The following COL6A5 variants were observed in gnomAD, a reference collection of about 807,000 sequenced individuals.
COL6A5 encodes collagen type VI alpha 5 chain, also known as collagen alpha-5(VI) chain.
Under a neutral mutation model 65.6 loss-of-function variants are expected in COL6A5, and 48 were observed. The ratio of observed to expected loss-of-function variants is 0.73; its 90% CI spans 0.58 to 0.93. The LOEUF (loss-of-function observed/expected upper bound fraction) is 0.93, where lower values mean the gene tolerates loss of function less well. COL6A5 is among the 40% of genes least tolerant of loss of function. The pLI, the probability that COL6A5 is intolerant of heterozygous loss-of-function variation, is 0.00. For synonymous variants in COL6A5, 291 were observed against 322.8 expected, an observed-to-expected ratio of 0.90 and a Z score of 1.05; for missense variants, 914 against 928.3, an observed-to-expected ratio of 0.98 and a Z score of 0.20.
intron 10 of COL6A5, among the ~76,000 whole-genome samples, chr3:130,399,559 G>T (rs749530127): frequency 5.9e-5 from 9 of 151,590 alleles, no homozygotes; most frequent in Admixed American, 1.3e-4. Context: ...TTTTAGTAGA[G>T]ATGGGGTTTC....
intron 5 of COL6A5, among the ~76,000 whole-genome samples, chr3:130,387,960 G>A (rs968617553): frequency 6.6e-6 from 1 of 151,674 alleles, no homozygotes; most frequent in Non-Finnish European, 1.5e-5. Flanking sequence ...ACGTATGTCT[G>A]TATGTTCATT....
chr3:130,359,733 C>T (rs775893500), intron 1 of COL6A5, among the ~76,000 whole-genome samples: 22 of 152,050 alleles, frequency 1.4e-4, no homozygotes, highest in Non-Finnish European at 2.6e-4. Flanking sequence ...TGTTTGTTTA[C>T]ATATTTTCTG....
exon 4 of COL6A5, chr3:130,379,968 T>C (rs1207576013): frequency 3.2e-6 from 5 of 1,550,894 alleles, no homozygotes; most frequent in Admixed American, 2.0e-5. Context: ...AAACTTACAG[T>C]ACAAAGTTCC....
At chr3:130,409,957 GA>G in intron 18 of COL6A5, 51 bp from the exon 19 acceptor site, 1 of 1,299,868 alleles carries the variant, frequency 7.7e-7, no homozygotes, top group South Asian at 1.3e-5. Flanking sequence ...CCGTTTTGGG[GA>G]AAAAGCTGAT....
chr3:130,431,360 C>T (rs1937797313), upstream of COL6A5: 5 of 1,248,190 alleles, frequency 4.0e-6, no homozygotes, highest in African/African-American at 3.0e-5. Context: ...CTGGATGAAG[C>T]ACTTGCTTTG....
At chr3:130,427,390 A>G (rs1463133183), upstream of COL6A5, among the ~76,000 whole-genome samples, 1 of 152,164 alleles carries the variant, frequency 6.6e-6, no homozygotes, top group African/African-American at 2.4e-5. Flanking sequence ...CTAGATAAAA[A>G]TGTTGTCATT....
upstream of COL6A5, among the ~76,000 whole-genome samples, chr3:130,427,045 G>T (rs1251914330): frequency 6.6e-6 from 1 of 152,168 alleles, no homozygotes; most frequent in Non-Finnish European, 1.5e-5. Flanking sequence ...TATACATTTA[G>T]ACTGTTTACA....
chr3:130,376,823 T>C, exon 3 of COL6A5: 1 of 1,611,400 alleles, frequency 6.2e-7, no homozygotes, highest in Non-Finnish European at 8.5e-7. Context: ...GAGCCGTCGA[T>C]GCTGATATGC....
exon 6 of COL6A5, chr3:130,388,666 T>G (rs1936283618): frequency 1.3e-6 from 2 of 1,551,192 alleles, no homozygotes; most frequent in Non-Finnish European, 8.7e-7. Context: ...AATGAAAATC[T>G]TCATGAAAAA....
At chr3:130,475,000 A>C in intron 7 of COL6A5, among the ~76,000 whole-genome samples, 1 of 105,036 alleles carries the variant, frequency 9.5e-6, no homozygotes, top group Admixed American at 1.4e-4. Flanking sequence ...GAGCAAGACC[A>C]TGTCTCCAAA....
Position 130,466,751 on chromosome 3 carries a change from C to T in COL6A5, c.1545-2044C>T, listed in dbSNP as rs759685777. Among the ~76,000 whole-genome samples the T allele has an allele frequency of 3.3e-5, 5 of 152,060 alleles. No individual in the cohort carries two copies. The South Asian group carries it at 8.3e-4, about 25-fold the overall frequency. ...CACCAGGAACAAAGAGAAGACACAA[C>T]TTTCCAATATCAGAAATGAGAGGGG... On this transcript the variant is annotated intron_variant, in intron 5 of 7. Transcript: ENST00000512836.
intron 12 of COL6A5, 102 bp from the exon 13 acceptor site, chr3:130,403,507 C>T (rs1191882903): frequency 1.4e-5 from 14 of 984,196 alleles, no homozygotes; most frequent in Middle Eastern, 2.1e-4. Flanking sequence ...AAACTGCAAC[C>T]AAGTTGGAGG....
chr3:130,484,005 A>G, intron 7 of COL6A5, 30 bp from the exon 41 acceptor site: 3 of 1,598,070 alleles, frequency 1.9e-6, no homozygotes, highest in African/African-American at 1.3e-5. Flanking sequence ...CAATGACATT[A>G]AAAGCAGTGA....
intron 5 of COL6A5, among the ~76,000 whole-genome samples, chr3:130,457,455 C>T (rs1305946743): frequency 1.3e-5 from 2 of 151,954 alleles, no homozygotes; most frequent in East Asian, 1.9e-4. Context: ...TGATTTTTTT[C>T]AGCTTTCTGA....
At chr3:130,470,923 G>T (rs750905297) in exon 7 of COL6A5, 2 of 1,612,584 alleles carry the variant, frequency 1.2e-6, no homozygotes, top group Admixed American at 1.7e-5. Flanking sequence ...GTGTTAACAT[G>T]ACCTCTCCCA....
At chr3:130,401,727 T>C in intron 11 of COL6A5, 35 bp from the exon 12 acceptor site, 6 of 1,442,894 alleles carry the variant, frequency 4.2e-6, no homozygotes, top group Non-Finnish European at 5.7e-6. Flanking sequence ...TTTCTGACAA[T>C]TGCTATTCCC....
chr3:130,444,787 G>A (rs1281249628), intron 4 of COL6A5, among the ~76,000 whole-genome samples: 1 of 152,140 alleles, frequency 6.6e-6, no homozygotes, highest in Non-Finnish European at 1.5e-5. Flanking sequence ...CTCAGCTCCA[G>A]GCATGATGGA....
chr3:130,372,994 A>G (rs1234681957), intron 1 of COL6A5, among the ~76,000 whole-genome samples: 1 of 152,172 alleles, frequency 6.6e-6, no homozygotes, highest in East Asian at 1.9e-4. Context: ...ATTCTGATTG[A>G]TTGTGAACTA....
chr3:130,393,108 C>G (rs901948501), intron 7 of COL6A5, among the ~76,000 whole-genome samples: 1 of 141,460 alleles, frequency 7.1e-6, no homozygotes, highest in African/African-American at 2.6e-5. Flanking sequence ...GTGTGTTTTT[C>G]TTGGAGGCCT....
Sources: allele counts gnomAD v4.1 joint callset (sites outside exome capture counted in the v4.1 genomes callset), GRCh38; gene constraint gnomAD v4.1.1; transcripts MANE v1.5; gene names NCBI Gene and HGNC (gene_info 2026-07-23, HGNC 2026-07-21).